CNTLN: variants seen among roughly 807,000 people sequenced by gnomAD.
CNTLN encodes the protein centlein.
Under a neutral mutation model 180.0 loss-of-function variants are expected in CNTLN, and 212 were observed. The observed-to-expected ratio is 1.18, with a 90% CI of 1.05 to 1.32. CNTLN has a LOEUF of 1.32. CNTLN is among the 40% of genes most tolerant of loss of function. The probability of loss-of-function intolerance (pLI) is 0.00; values close to 1 mark genes in which losing one functional copy is unlikely to be tolerated. For synonymous variants in CNTLN, 722 were observed against 563.1 expected (o/e 1.28, Z -3.99); for missense variants, 2,095 against 1,610.9 (o/e 1.30, Z -5.14).
intron 16 of CNTLN, among the ~76,000 whole-genome samples, chr9:17,413,980 C>G (rs370141310): frequency 6.6e-6 from 1 of 152,192 alleles, no homozygotes. Context: ...AATAGCTGAA[C>G]AGCTAAACAA....
At chr9:17,198,269 A>G (rs941746343) in intron 2 of CNTLN, among the ~76,000 whole-genome samples, 12 of 151,998 alleles carry the variant, frequency 7.9e-5, no homozygotes, top group African/African-American at 2.7e-4. Flanking sequence ...ATTTTTGTGA[A>G]GAATATCCTT....
At chr9:17,339,070 A>T (rs1821273890) in intron 10 of CNTLN, among the ~76,000 whole-genome samples, 1 of 152,192 alleles carries the variant, frequency 6.6e-6, no homozygotes, top group Non-Finnish European at 1.5e-5. Flanking sequence ...TTTATTTTGA[A>T]TGCCTTTGTC....
chr9:17,524,020 T>C, the CNTLN span, among the ~76,000 whole-genome samples: 1 of 151,924 alleles, frequency 6.6e-6, no homozygotes, highest in Non-Finnish European at 1.5e-5. Context: ...ATGTGTGAAA[T>C]GTTTTCTAAA....
chr9:17,417,274 T>A (rs1298450415), intron 18 of CNTLN, among the ~76,000 whole-genome samples: 1 of 152,152 alleles, frequency 6.6e-6, no homozygotes, highest in Non-Finnish European at 1.5e-5. Flanking sequence ...GCTAGAATTT[T>A]CTTTTCTTCT....
At chr9:17,368,482 C>G (rs1285720826) in intron 13 of CNTLN, among the ~76,000 whole-genome samples, 2 of 152,146 alleles carry the variant, frequency 1.3e-5, no homozygotes, top group Admixed American at 6.5e-5. Context: ...TTTGCAGAGC[C>G]CTAGGGCCTT....
At chr9:17,509,259 G>T in the CNTLN span, among the ~76,000 whole-genome samples, 2 of 152,180 alleles carry the variant, frequency 1.3e-5, no homozygotes, top group South Asian at 4.1e-4. Context: ...CCATTTCCTG[G>T]GGGTGATCAG....
In CNTLN at chr9:17,135,335, G is replaced by C. The variant is rs772180047; in HGVS notation, c.270G>C (p.Glu90Asp). The change falls in exon 1 of 26, where the codon GAG becomes GAC. Residue 90 changes from glutamate to aspartate, a missense_variant. Glu to Asp is a conservative substitution (Grantham distance 45, BLOSUM62 2). Coordinates refer to ENST00000380647, the MANE Select transcript of CNTLN (RefSeq NM_017738.4). ...LSAPMGSRRL[E>D]GISVEEAMVT... ...CGCCCATGGGGTCCAGACGGCTAGA[G>C]GGCATCTCGGTAGAGGAGGCGATGG... is the stretch of plus-strand genomic sequence containing the variant. 3.7e-6 allele frequency: 6 copies of C among 1,602,268 alleles called. No individual in the cohort carries two copies. Among genetic ancestry groups the C allele is most frequent in the Admixed American group, 3.5e-5 (2 of 57,908 alleles).
intron 8 of CNTLN, among the ~76,000 whole-genome samples, chr9:17,319,496 A>T (rs146433359): frequency 6.6e-6 from 1 of 152,172 alleles, no homozygotes; most frequent in East Asian, 1.9e-4. Context: ...TTCTAGTGGG[A>T]CTTTTTTGTG....
chr9:17,225,197 C>A (rs1366905261), intron 2 of CNTLN, among the ~76,000 whole-genome samples: 1 of 151,872 alleles, frequency 6.6e-6, no homozygotes, highest in African/African-American at 2.4e-5. Flanking sequence ...CAAGGATGGG[C>A]AGAAGCTTTT....
chr9:17,140,579 T>C (rs185588372), intron 1 of CNTLN, among the ~76,000 whole-genome samples: 46 of 152,302 alleles, frequency 3.0e-4, no homozygotes, highest in African/African-American at 1.1e-3. Flanking sequence ...TAGCTGGAAC[T>C]ACAGGCGTAT....
At chr9:17,404,240 G>T (rs1260518859) in intron 15 of CNTLN, among the ~76,000 whole-genome samples, 1 of 151,758 alleles carries the variant, frequency 6.6e-6, no homozygotes, top group Non-Finnish European at 1.5e-5. Flanking sequence ...TGAAGTTAGG[G>T]TATATGCCCT....
intron 6 of CNTLN, among the ~76,000 whole-genome samples, chr9:17,284,514 C>T (rs1286725550): frequency 6.6e-6 from 1 of 152,058 alleles, no homozygotes; most frequent in African/African-American, 2.4e-5. Context: ...AGGAATTTAT[C>T]TGTTTCTTCT....
intron 12 of CNTLN, among the ~76,000 whole-genome samples, chr9:17,355,761 C>G (rs926349977): frequency 1.3e-5 from 2 of 152,140 alleles, no homozygotes; most frequent in Non-Finnish European, 2.9e-5. Flanking sequence ...TTGAATGTAT[C>G]TGTGCCTAAG....
intron 23 of CNTLN, among the ~76,000 whole-genome samples, chr9:17,480,402 G>T (rs560598208): frequency 6.6e-6 from 1 of 151,942 alleles, no homozygotes; most frequent in Admixed American, 6.5e-5. Context: ...TGGATAGTTT[G>T]TGAAGAAAAT....
At chr9:17,369,536 A>G (rs1307215872) in intron 13 of CNTLN, among the ~76,000 whole-genome samples, 1 of 151,936 alleles carries the variant, frequency 6.6e-6, no homozygotes, top group African/African-American at 2.4e-5. Context: ...ATGGAGAAGG[A>G]TTTCAGAATT....
chr9:17,433,614 TG>T (rs1199793619), intron 18 of CNTLN, among the ~76,000 whole-genome samples: 6 of 113,634 alleles, frequency 5.3e-5, no homozygotes, highest in East Asian at 2.2e-4. Context: ...GAGTTTGTAG[TG>T]GTTTTTTTTT....
At chr9:17,360,363 T>G (rs1766789265) in intron 12 of CNTLN, among the ~76,000 whole-genome samples, 1 of 152,130 alleles carries the variant, frequency 6.6e-6, no homozygotes, top group African/African-American at 2.4e-5. Flanking sequence ...TGGGAATTTA[T>G]AGCTAAGGTA....
intron 19 of CNTLN, among the ~76,000 whole-genome samples, chr9:17,462,223 C>G (rs1378049293): frequency 1.3e-5 from 2 of 151,600 alleles, no homozygotes; most frequent in African/African-American, 4.8e-5. Flanking sequence ...TTTTTTCAAA[C>G]CAAAGATTTC....
chr9:17,210,388 T>C (rs1025128143), intron 2 of CNTLN, among the ~76,000 whole-genome samples: 5 of 152,214 alleles, frequency 3.3e-5, no homozygotes, highest in Admixed American at 2.6e-4. Context: ...ACAAAGGACA[T>C]AAACTCATCC....
Sources: gnomAD v4.1 joint callset for allele counts (sites outside exome capture counted in the v4.1 genomes callset) on GRCh38, gnomAD v4.1.1 for gene constraint, MANE v1.5 for transcripts, NCBI Gene and HGNC (gene_info 2026-07-23, HGNC 2026-07-21) for gene names.